Variants in SEPTIN9 observed in about 807,000 individuals in gnomAD.
The protein encoded by SEPTIN9 is septin 9.
Under a neutral mutation model 56.6 loss-of-function variants are expected in SEPTIN9, and 13 were observed. The observed-to-expected ratio is 0.23, with a 90% CI of 0.15 to 0.37. The LOEUF (loss-of-function observed/expected upper bound fraction) is 0.37, where lower values mean the gene tolerates loss of function less well. SEPTIN9 is among the 10% of genes least tolerant of loss of function. The pLI is 1.00. For missense variants in SEPTIN9, 650 were observed against 823.1 expected (o/e 0.79, Z 2.57); for synonymous variants, 332 against 334.1 (o/e 0.99, Z 0.07).
chr17:77,349,260 G>T (rs1325370266), intron 2 of SEPTIN9, among the ~76,000 whole-genome samples: 1 of 152,068 alleles, frequency 6.6e-6, no homozygotes, highest in African/African-American at 2.4e-5. Flanking sequence ...GGGACTACAG[G>T]CATGTGCCAT....
At chr17:77,488,941 C>G in intron 7 of SEPTIN9, 77 bp downstream of exon 7, 2 of 1,563,016 alleles carry the variant, frequency 1.3e-6, no homozygotes, top group South Asian at 2.3e-5. Flanking sequence ...CAAGACGGTG[C>G]TGTCTGCCCT....
chr17:77,431,609 G>A (rs2037135081), intron 3 of SEPTIN9, among the ~76,000 whole-genome samples: 1 of 152,074 alleles, frequency 6.6e-6, no homozygotes. Flanking sequence ...CAGGCAGATT[G>A]CTTGAGCCCA....
chr17:77,426,809 A>G (rs2036932708), intron 3 of SEPTIN9: 1 of 152,082 alleles, frequency 6.6e-6, no homozygotes, highest in South Asian at 2.1e-4. Context: ...AGGGCAGGGG[A>G]CACTGACTTG....
rs422959 is a variant in SEPTIN9, at chr17:77,499,422, C to G, written c.*764C>G. The stretch of plus-strand genomic sequence containing the variant: ...CCGGGCTGCAGGTGCTGCTGATGCG[C>G]TGGGATCTGATTGAGGATAAAAAGG... On this transcript the variant is annotated 3_prime_UTR_variant, in exon 12 of 12. Transcript: ENST00000427177. 0.034 allele frequency: 18,530 copies of G among 538,832 alleles called. 1,796 individuals are homozygous for G. The highest frequency in any genetic ancestry group is 0.25 in the African/African-American group (13,383 of 54,124). The allele number at this position is 538,832 out of a possible 1,614,324, so 33.4% of individuals were successfully genotyped here. A position where few individuals can be genotyped will look rare whatever the true frequency, so the allele number is the denominator to read the frequency against.
At position 77,492,088 on chromosome 17, in the gene SEPTIN9, G is replaced by C. The variant is rs1438536117; in HGVS notation, c.1381-533G>C. Reference sequence around the variant, plus strand: ...CAGGTGTCAGGGACCTTCCCAGCATGTGCAGGGGAAGACAGTCCACACAAA... The same window carrying C: ...CAGGTGTCAGGGACCTTCCCAGCATCTGCAGGGGAAGACAGTCCACACAAA... On this transcript the variant is annotated intron_variant, in intron 8 of 11. Coordinates refer to ENST00000427177, the MANE Select transcript of SEPTIN9 (RefSeq NM_001113491.2). The surrounding 1 kb of genome is among the most constrained non-coding windows in gnomAD (Gnocchi z 5.4). 6.6e-6 allele frequency among the ~76,000 whole-genome samples: 1 copy of C among 152,202 alleles called. No individual in the cohort carries two copies. The highest frequency in any genetic ancestry group is 1.5e-5 in the Non-Finnish European group (1 of 68,038).
At position 77,281,522 on chromosome 17, in the gene SEPTIN9, G is replaced by A; in HGVS notation, c.-14G>A. ...CCGCCACACTTTCCTGGGAGCGGCG[G>A]CCACGGAGGCACCATGAAGAAGTCT... On this transcript the variant is annotated 5_prime_UTR_variant, in exon 1 of 12. Coordinates refer to ENST00000427177, the MANE Select transcript of SEPTIN9 (RefSeq NM_001113491.2). 4 of 1,548,212 alleles carry A rather than the reference G, an allele frequency of 2.6e-6. No individual in the cohort carries two copies. The highest frequency in any genetic ancestry group is 2.5e-5 in the East Asian group (1 of 40,582).
At chr17:77,452,233 A>C (rs146136096) in intron 3 of SEPTIN9, among the ~76,000 whole-genome samples, 366 of 152,354 alleles carry the variant, frequency 2.4e-3, no homozygotes, top group Non-Finnish European at 4.3e-3. Flanking sequence ...GCAGGGGCTG[A>C]GGGATCTCCC....
intron 2 of SEPTIN9, among the ~76,000 whole-genome samples, chr17:77,385,207 G>C (rs960607130): frequency 6.9e-6 from 1 of 145,008 alleles, no homozygotes; most frequent in African/African-American, 2.6e-5. Flanking sequence ...TGTGTCCCAG[G>C]CTGAAGTGGC....
rs2037045306 is a variant in SEPTIN9 at position 77,429,430 on chromosome 17, GGAGGGACT to G, written c.721+26733_721+26740del. ...CAGCGTGCTCGCCGATTGCATTTGG[GGAGGGACT>G]GAGGGCTGATTGTGTTGTGGGGATG... is the stretch of plus-strand genomic sequence containing the variant. On this transcript the variant is annotated intron_variant, in intron 3 of 11. Coordinates refer to ENST00000427177, the MANE Select transcript of SEPTIN9 (RefSeq NM_001113491.2). The surrounding 1 kb of genome is among the most constrained non-coding windows in gnomAD (Gnocchi z 5.2). 3.0e-5 allele frequency: 12 copies of G among 398,058 alleles called. No individual in the cohort carries two copies. 24.7% of individuals were successfully genotyped at this position (398,058 alleles called of 1,614,324 possible). A position where few individuals can be genotyped will look rare whatever the true frequency, so the allele number is the denominator to read the frequency against.
intron 3 of SEPTIN9, among the ~76,000 whole-genome samples, chr17:77,410,752 T>C (rs2036267853): frequency 6.6e-6 from 1 of 152,202 alleles, no homozygotes; most frequent in South Asian, 2.1e-4. Flanking sequence ...CAACCCTTAC[T>C]TAATCAGCAA....
In SEPTIN9 at chr17:77,318,015, T is replaced by G. The variant is rs896235232; in HGVS notation, c.76+10818T>G. ...GCAGTGAACTGAGATAGTGCCACTGTACTCCAGCCTGGGTGGCAGAGCGAG... is the reference window on the plus strand; with the variant it reads ...GCAGTGAACTGAGATAGTGCCACTGGACTCCAGCCTGGGTGGCAGAGCGAG... On this transcript the variant is annotated intron_variant, in intron 2 of 11. Transcript: ENST00000427177. The surrounding 1 kb of genome is among the most constrained non-coding windows in gnomAD (Gnocchi z 4.9). Among the ~76,000 whole-genome samples, 1 of 152,060 alleles carries G rather than the reference T, an allele frequency of 6.6e-6. No individual in the cohort carries two copies. Among genetic ancestry groups the G allele is most frequent in the Non-Finnish European group, 1.5e-5 (1 of 68,012 alleles).
Position 77,475,729 on chromosome 17 carries a change from A to G in SEPTIN9, c.722-6415A>G. On this transcript the variant is annotated intron_variant, in intron 3 of 11. Coordinates refer to ENST00000427177, the MANE Select transcript of SEPTIN9 (RefSeq NM_001113491.2). This position sits in a 1 kb window ranked among gnomAD's most constrained non-coding sequence, Gnocchi z 4.6. ...AGGAAGTCTTCGCCGGGGCAAGGGC[A>G]CCAGCTGTAGATGCCGGCAGCTTTC... 1 of 1,613,298 alleles carries G rather than the reference A, an allele frequency of 6.2e-7. No homozygotes were observed. The highest frequency in any genetic ancestry group is 8.5e-7 in the Non-Finnish European group (1 of 1,179,870).
Position 77,367,570 on chromosome 17 carries a change from C to G in SEPTIN9, c.77-34489C>G, listed in dbSNP as rs2034608120. 6.6e-6 allele frequency among the ~76,000 whole-genome samples: 1 copy of G among 152,064 alleles called. No homozygotes were observed. Among genetic ancestry groups the G allele is most frequent in the Admixed American group, 6.5e-5 (1 of 15,272 alleles). ...GTGGCTCACGTCTGTAATCCCAGCA[C>G]TTTGGGAGGCTGAGGAGGATGGATC... On this transcript the variant is annotated intron_variant, in intron 2 of 11. Coordinates refer to ENST00000427177, the MANE Select transcript of SEPTIN9 (RefSeq NM_001113491.2). The surrounding 1 kb of genome is among the most constrained non-coding windows in gnomAD (Gnocchi z 4.5).
intron 10 of SEPTIN9, among the ~76,000 whole-genome samples, chr17:77,494,316 C>T (rs968449539): frequency 3.9e-5 from 6 of 152,248 alleles, no homozygotes; most frequent in Admixed American, 1.3e-4. Context: ...TGGGCCCGAA[C>T]GTTTCCTTCC....
At chr17:77,356,908 C>T (rs758757765) in intron 2 of SEPTIN9, among the ~76,000 whole-genome samples, 12 of 149,990 alleles carry the variant, frequency 8.0e-5, no homozygotes, top group South Asian at 2.1e-4. Context: ...GGGAAGGCGC[C>T]GTGGTAGGGG....
chr17:77,320,523 G>A (rs184464964), intron 2 of SEPTIN9, among the ~76,000 whole-genome samples: 1 of 152,344 alleles, frequency 6.6e-6, no homozygotes, highest in East Asian at 1.9e-4. Flanking sequence ...CAGAAGCTAA[G>A]CTCTCCTGAG....
intron 1 of SEPTIN9, among the ~76,000 whole-genome samples, chr17:77,282,539 AT>A (rs2031074219): frequency 6.6e-6 from 1 of 152,210 alleles, no homozygotes; most frequent in African/African-American, 2.4e-5. Context: ...CATCGGGGCC[AT>A]CCCCCTGCCT....
chr17:77,408,446 G>GCCC (rs113895227), intron 3 of SEPTIN9, among the ~76,000 whole-genome samples: 87 of 152,156 alleles, frequency 5.7e-4, no homozygotes, highest in Middle Eastern at 6.8e-3. Flanking sequence ...AGGGGGTCAG[G>GCCC]CCCCCCCGAG....
chr17:77,310,895 T>C lies in SEPTIN9; in HGVS notation c.76+3698T>C, dbSNP rs1421658695. On this transcript the variant is annotated intron_variant, in intron 2 of 11. Transcript: ENST00000427177. The surrounding 1 kb of genome is among the most constrained non-coding windows in gnomAD (Gnocchi z 4.7). ...TAGGTCCTGCTCTTCCATCTTCCAATACCTCTGGGGTGTGTGGCCTTTTCC... is the reference window on the plus strand; with the variant it reads ...TAGGTCCTGCTCTTCCATCTTCCAACACCTCTGGGGTGTGTGGCCTTTTCC... Among the ~76,000 whole-genome samples, 2 of 152,136 alleles carry C rather than the reference T, an allele frequency of 1.3e-5. No homozygotes were observed. The highest frequency in any genetic ancestry group is 4.8e-5 in the African/African-American group (2 of 41,436).
Sources: allele counts gnomAD v4.1 joint callset (sites outside exome capture counted in the v4.1 genomes callset), GRCh38; gene constraint gnomAD v4.1.1; non-coding constraint Gnocchi (gnomAD v3.1); transcripts MANE v1.5; gene names NCBI Gene and HGNC (gene_info 2026-07-23, HGNC 2026-07-21).